RNF157: variants seen among roughly 807,000 people sequenced by gnomAD.
RNF157 encodes E3 ubiquitin ligase RNF157.
A neutral mutation model predicts 88.3 loss-of-function variants in RNF157; 55 were observed. That is an observed-to-expected ratio of 0.62 (90% CI 0.50 to 0.78). The LOEUF is 0.78. Among genes scored for constraint, RNF157 ranks in the 30% least tolerant of loss-of-function variants. RNF157 has a pLI of 0.00. For synonymous variants in RNF157, 334 were observed against 341.2 expected (o/e 0.98, Z 0.23); for missense variants, 788 against 860.8 (o/e 0.92, Z 1.06).
intron 2 of RNF157, among the ~76,000 whole-genome samples, chr17:76,178,003 A>T (rs567688691): frequency 6.6e-6 from 1 of 152,294 alleles, no homozygotes; most frequent in South Asian, 2.1e-4. Flanking sequence ...AGCTGTTCCA[A>T]GGCTCAATAA....
At chr17:76,151,892 C>T (rs146613469) in intron 18 of RNF157, among the ~76,000 whole-genome samples, 3 of 152,324 alleles carry the variant, frequency 2.0e-5, no homozygotes, top group African/African-American at 4.8e-5. Flanking sequence ...GCCTCTGAAA[C>T]GCTGGCTTTC....
In RNF157 at chr17:76,218,489, T is replaced by C. The variant is rs765535900; in HGVS notation, c.89-6007A>G. ...GACCTCATCTCTACAATAAAAAAATTAAAAAGTTAGCCAGGCATGGTGGCA... is the reference window on the plus strand; with the variant it reads ...GACCTCATCTCTACAATAAAAAAATCAAAAAGTTAGCCAGGCATGGTGGCA... On this transcript the variant is annotated intron_variant, in intron 1 of 18. Transcript: ENST00000269391. 3.6e-4 allele frequency among the ~76,000 whole-genome samples: 55 copies of C among 151,288 alleles called. 1 individual carries two copies. The highest frequency in any genetic ancestry group is 8.3e-4 in the South Asian group (4 of 4,792).
In RNF157 at chr17:76,182,760, CATATATAT is replaced by C. The variant is rs377581288; in HGVS notation, c.208-8978_208-8971del. Among the ~76,000 whole-genome samples the C allele has an allele frequency of 1.6e-4, 15 of 93,344 alleles. No homozygotes were observed. In the East Asian group the frequency reaches 1.7e-3, roughly 11 times the overall value. The allele number at this position is 93,344 out of a possible 152,430, so 61.2% of individuals were successfully genotyped here. A position where few individuals can be genotyped will look rare whatever the true frequency, so the allele number is the denominator to read the frequency against. Reference sequence around the variant, plus strand: ...TTGCTATTAGATTCAGGCCTCGTCTCATATATATATATATATATATATATATATGAGAG... The same window carrying C: ...TTGCTATTAGATTCAGGCCTCGTCTCATATATATATATATATATATGAGAG... On this transcript the variant is annotated intron_variant, in intron 2 of 18. Coordinates refer to ENST00000269391, the MANE Select transcript of RNF157 (RefSeq NM_052916.3).
At chr17:76,151,440 G>A (rs780976370) in intron 18 of RNF157, among the ~76,000 whole-genome samples, 29 of 152,206 alleles carry the variant, frequency 1.9e-4, no homozygotes, top group Non-Finnish European at 7.3e-5. Flanking sequence ...CGCTGAGCGA[G>A]TAAAGCACTG....
At chr17:76,174,934 TA>T (rs1174108932) in intron 2 of RNF157, among the ~76,000 whole-genome samples, 19 of 152,232 alleles carry the variant, frequency 1.2e-4, no homozygotes, top group African/African-American at 4.6e-4. Context: ...TACATTCTTT[TA>T]AAAATGATAG....
At chr17:76,188,598 C>T (rs1317898074) in intron 2 of RNF157, among the ~76,000 whole-genome samples, 1 of 152,148 alleles carries the variant, frequency 6.6e-6, no homozygotes, top group Non-Finnish European at 1.5e-5. Context: ...ACAGATAATT[C>T]CCCCCAAAGC....
intron 1 of RNF157, among the ~76,000 whole-genome samples, chr17:76,238,085 C>CAAAAAAAAA (rs555165221): frequency 1.1e-5 from 1 of 93,716 alleles, no homozygotes; most frequent in African/African-American, 3.5e-5. Flanking sequence ...GACGATGACT[C>CAAAAAAAAA]AAAAAAAAAA....
rs1204347916 is a variant in RNF157 at position 76,144,264 on chromosome 17, A to G, written c.*971T>C. 4 of 151,804 alleles carry G rather than the reference A, an allele frequency of 2.6e-5. No homozygotes were observed. Among genetic ancestry groups the G allele is most frequent in the Non-Finnish European group, 5.9e-5 (4 of 67,974 alleles). The allele number at this position is 151,804 out of a possible 1,614,324, so 9.4% of individuals were successfully genotyped here. A position where few individuals can be genotyped will look rare whatever the true frequency, so the allele number is the denominator to read the frequency against. ...GCCTCCCTGAATGCACCTGATCAGG[A>G]GAAATGCTCCTTAAGGGAAATCATC... On this transcript the variant is annotated 3_prime_UTR_variant, in exon 19 of 19. Transcript: ENST00000269391.
intron 2 of RNF157, among the ~76,000 whole-genome samples, chr17:76,187,711 A>G (rs1214479115): frequency 1.3e-5 from 2 of 151,992 alleles, no homozygotes; most frequent in Non-Finnish European, 2.9e-5. Flanking sequence ...CTCCTGCCTC[A>G]GCTTCTCGAG....
intron 1 of RNF157, among the ~76,000 whole-genome samples, 157 bp downstream of exon 1, chr17:76,239,996 G>C (rs1461552034): frequency 6.6e-6 from 1 of 151,852 alleles, no homozygotes. Flanking sequence ...GGGAGACCTC[G>C]GCCTTCTCGA....
chr17:76,190,195 T>G (rs1455212567), intron 2 of RNF157, among the ~76,000 whole-genome samples: 1 of 150,612 alleles, frequency 6.6e-6, no homozygotes, highest in East Asian at 1.9e-4. Context: ...TTGAAATAGA[T>G]TCTCACTGTC....
chr17:76,165,313 A>C (rs2068905047), intron 7 of RNF157, among the ~76,000 whole-genome samples, 189 bp downstream of exon 7: 1 of 152,074 alleles, frequency 6.6e-6, no homozygotes, highest in South Asian at 2.1e-4. Context: ...TTTGAGACAG[A>C]GCCTCACTCT....
rs571476734 is a variant in RNF157, at chr17:76,176,129, T to C, written c.208-2339A>G. ...ATCAGAGTCTACATGCAACACTCCA[T>C]GCCAGGAGTAAGGAGAGATTGAAAA... On this transcript the variant is annotated intron_variant, in intron 2 of 18. Transcript: ENST00000269391. This position sits in a 1 kb window ranked among gnomAD's most constrained non-coding sequence, Gnocchi z 4.2. Among the ~76,000 whole-genome samples the C allele has an allele frequency of 1.1e-4, 17 of 152,310 alleles. No homozygotes were observed. Among genetic ancestry groups the C allele is most frequent in the South Asian group, 2.1e-4 (1 of 4,824 alleles).
intron 2 of RNF157, among the ~76,000 whole-genome samples, chr17:76,191,991 A>G (rs1313211151): frequency 6.6e-6 from 1 of 152,240 alleles, no homozygotes; most frequent in Non-Finnish European, 1.5e-5. Flanking sequence ...GTAACAGTTA[A>G]GGCCACTATG....
intron 2 of RNF157, among the ~76,000 whole-genome samples, chr17:76,197,052 A>G (rs975644768): frequency 6.6e-6 from 1 of 152,044 alleles, no homozygotes; most frequent in Non-Finnish European, 1.5e-5. Context: ...AGAGAACCCA[A>G]CCTAAACCGG....
intron 2 of RNF157, among the ~76,000 whole-genome samples, chr17:76,190,833 G>A (rs193033467): frequency 1.6e-4 from 25 of 151,794 alleles, no homozygotes; most frequent in East Asian, 1.4e-3. Flanking sequence ...GCACGAACCC[G>A]GGAGGCGGAG....
chr17:76,226,871 A>G, intron 1 of RNF157: 1 of 1,300,590 alleles, frequency 7.7e-7, no homozygotes, highest in South Asian at 1.4e-5. Flanking sequence ...CGGTTACAGC[A>G]ATGCTGCTGC....
Position 76,200,503 on chromosome 17 carries a change from AC to A in RNF157, c.207+11860del, listed in dbSNP as rs2069556831. ...TTCTATGATTCAACTCGTATGAGGT[AC>A]CTAGAGTAGTCAAACTCATAGAGGC... is the stretch of plus-strand genomic sequence containing the variant. On this transcript the variant is annotated intron_variant, in intron 2 of 18. Coordinates refer to ENST00000269391, the MANE Select transcript of RNF157 (RefSeq NM_052916.3). Among the ~76,000 whole-genome samples, 3 of 152,216 alleles carry A rather than the reference AC, an allele frequency of 2.0e-5. No homozygotes were observed. In the South Asian group the frequency reaches 6.2e-4, roughly 31 times the overall value.
chr17:76,191,442 A>G (rs1307812204), intron 2 of RNF157, among the ~76,000 whole-genome samples: 4 of 151,926 alleles, frequency 2.6e-5, no homozygotes, highest in Non-Finnish European at 1.5e-5. Flanking sequence ...GTCTCTACTA[A>G]AAATACAAAA....
Sources: gnomAD v4.1 joint callset for allele counts (sites outside exome capture counted in the v4.1 genomes callset) on GRCh38, gnomAD v4.1.1 for gene constraint, Gnocchi (gnomAD v3.1) non-coding constraint, MANE v1.5 for transcripts, NCBI Gene and HGNC (gene_info 2026-07-23, HGNC 2026-07-21) for gene names.